SHISA9: variants seen among roughly 807,000 people sequenced by gnomAD.
The protein encoded by SHISA9 is protein shisa-9.
Under a neutral mutation model 38.0 loss-of-function variants are expected in SHISA9, and 13 were observed. The observed-to-expected ratio is 0.34, with a 90% confidence interval of 0.22 to 0.54. SHISA9 has a LOEUF of 0.54. Ranked by LOEUF, SHISA9 falls within the 20% of genes least tolerant of loss-of-function variation. SHISA9 has a pLI of 0.91. For synonymous variants in SHISA9, 275 were observed against 242.0 expected, an observed-to-expected ratio of 1.14 and a Z score of -1.27; for missense variants, 538 against 575.8, an observed-to-expected ratio of 0.93 and a Z score of 0.67.
intron 2 of SHISA9, among the ~76,000 whole-genome samples, chr16:13,090,692 G>T (rs1384566055): frequency 3.9e-5 from 6 of 152,162 alleles, no homozygotes; most frequent in African/African-American, 1.4e-4. Context: ...GAGCCTATGT[G>T]CATCGTTGCA....
chr16:13,169,586 A>T (rs2050667660), intron 2 of SHISA9, among the ~76,000 whole-genome samples: 1 of 152,258 alleles, frequency 6.6e-6, no homozygotes, highest in Non-Finnish European at 1.5e-5. Flanking sequence ...TAAAGAATTT[A>T]TGAAAAACAC....
the SHISA9 span, among the ~76,000 whole-genome samples, chr16:13,303,635 C>G: frequency 4.6e-5 from 7 of 152,136 alleles, no homozygotes; most frequent in Admixed American, 2.6e-4. Flanking sequence ...GCAGGATTCC[C>G]TTTTAGGATG....
At chr16:13,125,821 ATATT>A (rs949532394) in intron 2 of SHISA9, among the ~76,000 whole-genome samples, 36 of 152,196 alleles carry the variant, frequency 2.4e-4, no homozygotes, top group African/African-American at 8.4e-4. Flanking sequence ...TGCTCAAGAA[ATATT>A]TATTTGTTTA....
chr16:12,922,578 G>A (rs975653336), intron 2 of SHISA9, among the ~76,000 whole-genome samples: 5 of 152,214 alleles, frequency 3.3e-5, no homozygotes, highest in Non-Finnish European at 1.5e-5. Context: ...GGAGTGCAGG[G>A]GCACGATCTT....
At chr16:13,056,727 G>C (rs1200936880) in intron 2 of SHISA9, among the ~76,000 whole-genome samples, 2 of 152,178 alleles carry the variant, frequency 1.3e-5, no homozygotes, top group African/African-American at 4.8e-5. Context: ...TTGTGGTCAG[G>C]GTTCAGTGAG....
the SHISA9 span, among the ~76,000 whole-genome samples, chr16:13,285,286 A>T: frequency 6.6e-6 from 1 of 152,068 alleles, no homozygotes; most frequent in East Asian, 1.9e-4. Flanking sequence ...ATTCTTTTTC[A>T]TACAGTTAGA....
At chr16:13,478,075 T>C in the SHISA9 span, among the ~76,000 whole-genome samples, 1 of 152,352 alleles carries the variant, frequency 6.6e-6, no homozygotes, top group South Asian at 2.1e-4. Flanking sequence ...TTGAGCGACA[T>C]CGCATTTTCC....
At chr16:13,080,554 C>T (rs2073637150) in intron 2 of SHISA9, among the ~76,000 whole-genome samples, 1 of 152,092 alleles carries the variant, frequency 6.6e-6, no homozygotes, top group African/African-American at 2.4e-5. Flanking sequence ...TTCACCAAGA[C>T]CACAGACATT....
intron 2 of SHISA9, among the ~76,000 whole-genome samples, chr16:13,017,299 T>A (rs1212059512): frequency 1.3e-5 from 2 of 152,278 alleles, no homozygotes; most frequent in East Asian, 3.9e-4. Context: ...GGATTACAGG[T>A]GTGAGCCACA....
intron 2 of SHISA9, among the ~76,000 whole-genome samples, chr16:13,045,706 GCTGGA>G (rs1343610965): frequency 6.6e-6 from 1 of 152,078 alleles, no homozygotes; most frequent in Admixed American, 6.6e-5. Context: ...AGAAAATAAA[GCTGGA>G]TCATGGAAAA....
At chr16:13,433,553 A>T in the SHISA9 span, among the ~76,000 whole-genome samples, 1 of 152,172 alleles carries the variant, frequency 6.6e-6, no homozygotes, top group African/African-American at 2.4e-5. Context: ...GTTCAAGGAT[A>T]CAGAGCAAGT....
chr16:12,990,720 A>C (rs1379354956), intron 2 of SHISA9, among the ~76,000 whole-genome samples: 2 of 152,302 alleles, frequency 1.3e-5, no homozygotes, highest in East Asian at 3.9e-4. Flanking sequence ...GCTGGTATAC[A>C]TCCCACAATG....
intron 2 of SHISA9, among the ~76,000 whole-genome samples, chr16:12,995,567 A>G (rs148309289): frequency 1.0e-3 from 157 of 152,296 alleles, no homozygotes; most frequent in African/African-American, 3.6e-3. Context: ...TGTCTTTTGA[A>G]TGTTCATCTG....
intron 2 of SHISA9, among the ~76,000 whole-genome samples, chr16:13,087,932 T>G (rs1186766331): frequency 6.6e-6 from 1 of 152,324 alleles, no homozygotes; most frequent in East Asian, 1.9e-4. Context: ...CTAGGTTTTC[T>G]TCTAGGATTT....
chr16:13,180,312 CA>C (rs2050766229), intron 2 of SHISA9, among the ~76,000 whole-genome samples: 1 of 152,228 alleles, frequency 6.6e-6, no homozygotes, highest in Non-Finnish European at 1.5e-5. Flanking sequence ...ACTCTGTCCC[CA>C]CACCAGTTTA....
chr16:13,175,862 A>G (rs1418016367), intron 2 of SHISA9, among the ~76,000 whole-genome samples: 2 of 151,804 alleles, frequency 1.3e-5, no homozygotes, highest in East Asian at 3.9e-4. Context: ...AGAACGTCAC[A>G]TGTGAGGAGA....
chr16:12,980,427 C>T (rs2072225134), intron 2 of SHISA9, among the ~76,000 whole-genome samples: 1 of 152,106 alleles, frequency 6.6e-6, no homozygotes, highest in Admixed American at 6.6e-5. Context: ...TGTATTCTTG[C>T]ATCTAGCATT....
At chr16:13,459,044 G>T in the SHISA9 span, among the ~76,000 whole-genome samples, 1 of 151,728 alleles carries the variant, frequency 6.6e-6, no homozygotes, top group African/African-American at 2.4e-5. Context: ...GCAGAGATGG[G>T]GTTTCTCCAT....
At chr16:13,313,320 G>C in the SHISA9 span, among the ~76,000 whole-genome samples, 1 of 151,118 alleles carries the variant, frequency 6.6e-6, no homozygotes, top group Non-Finnish European at 1.5e-5. Context: ...GTTATTTATA[G>C]TATAATGGTA....
Sources: gnomAD v4.1 joint callset for allele counts (sites outside exome capture counted in the v4.1 genomes callset) on GRCh38, gnomAD v4.1.1 for gene constraint, MANE v1.5 for transcripts, NCBI Gene and HGNC (gene_info 2026-07-23, HGNC 2026-07-21) for gene names.